AGBL1: variants seen among roughly 807,000 people sequenced by gnomAD.
AGBL1 encodes the protein AGBL carboxypeptidase 1, also known as cytosolic carboxypeptidase 4.
In AGBL1, 130 loss-of-function variants were observed where a neutral mutation model predicts 118.9. The observed-to-expected ratio is 1.09, with a 90% CI of 0.95 to 1.26. The LOEUF (loss-of-function observed/expected upper bound fraction) is 1.26. Among genes scored for constraint, AGBL1 ranks in the 50% most tolerant of loss-of-function variants. The pLI is 0.00. For synonymous variants in AGBL1, 555 were observed against 478.9 expected (o/e 1.16, Z -2.08); for missense variants, 1,584 against 1,298.1 (o/e 1.22, Z -3.38).
intron 22 of AGBL1, among the ~76,000 whole-genome samples, chr15:86,871,956 A>G (rs1161448973): frequency 6.6e-6 from 1 of 152,240 alleles, no homozygotes; most frequent in Non-Finnish European, 1.5e-5. Context: ...TTTGGTACAT[A>G]TGTTCACATC....
intron 21 of AGBL1, among the ~76,000 whole-genome samples, chr15:86,568,282 T>A (rs1416504936): frequency 6.6e-6 from 1 of 152,318 alleles, no homozygotes; most frequent in South Asian, 2.1e-4. Context: ...AAATTATTTG[T>A]TGGCTCTGTG....
intron 20 of AGBL1, among the ~76,000 whole-genome samples, chr15:86,550,094 G>A (rs560657203): frequency 6.6e-6 from 1 of 152,132 alleles, no homozygotes; most frequent in Admixed American, 6.6e-5. Context: ...GTAAACAGCT[G>A]TAGAGACCTA....
chr15:86,815,742 G>C (rs1567187153), intron 22 of AGBL1, among the ~76,000 whole-genome samples: 2 of 151,810 alleles, frequency 1.3e-5, no homozygotes, highest in African/African-American at 4.8e-5. Context: ...CCCAACCCCA[G>C]CTCTAAGTAA....
chr15:86,414,750 C>T (rs1429470755), intron 18 of AGBL1, among the ~76,000 whole-genome samples: 2 of 152,114 alleles, frequency 1.3e-5, no homozygotes, highest in South Asian at 2.1e-4. Flanking sequence ...GGAACATTAA[C>T]GATCACTCAA....
chr15:86,864,799 G>A (rs1278779717), intron 22 of AGBL1, among the ~76,000 whole-genome samples: 2 of 152,130 alleles, frequency 1.3e-5, no homozygotes, highest in Non-Finnish European at 2.9e-5. Flanking sequence ...CACAATCAAC[G>A]GTGCAGCAAG....
intron 5 of AGBL1, among the ~76,000 whole-genome samples, chr15:86,178,661 A>G (rs1026296670): frequency 3.9e-5 from 6 of 152,246 alleles, no homozygotes; most frequent in South Asian, 2.1e-4. Flanking sequence ...ACATTTAAAA[A>G]TAAATAATAA....
intron 18 of AGBL1, among the ~76,000 whole-genome samples, chr15:86,484,545 C>A (rs538118651): frequency 6.6e-6 from 1 of 152,214 alleles, no homozygotes; most frequent in South Asian, 2.1e-4. Context: ...CAAAGGTATT[C>A]TTTAAGGAAG....
chr15:86,427,008 C>T (rs752007376), intron 18 of AGBL1, among the ~76,000 whole-genome samples: 5 of 152,078 alleles, frequency 3.3e-5, no homozygotes, highest in Admixed American at 2.0e-4. Flanking sequence ...TCAGGTGATC[C>T]GCCTGCCTCG....
At chr15:86,754,806 T>A (rs1279815497) in intron 22 of AGBL1, among the ~76,000 whole-genome samples, 1 of 152,124 alleles carries the variant, frequency 6.6e-6, no homozygotes, top group Non-Finnish European at 1.5e-5. Context: ...GGCACTGACC[T>A]TTTAGCTTGC....
At chr15:86,687,333 C>T (rs2086077792) in intron 22 of AGBL1, among the ~76,000 whole-genome samples, 1 of 152,022 alleles carries the variant, frequency 6.6e-6, no homozygotes, top group Non-Finnish European at 1.5e-5. Context: ...GTTTCTGTAG[C>T]CAACAACCAA....
chr15:86,651,315 T>C (rs2142495134), intron 21 of AGBL1, among the ~76,000 whole-genome samples: 1 of 152,266 alleles, frequency 6.6e-6, no homozygotes, highest in Admixed American at 6.5e-5. Flanking sequence ...TCAGACAATC[T>C]AACTAGTTAT....
chr15:86,838,962 A>AAAAAG, intron 22 of AGBL1, among the ~76,000 whole-genome samples: 1 of 150,470 alleles, frequency 6.6e-6, no homozygotes. Context: ...AAAAAAAAAA[A>AAAAAG]AAAAGAAAGA....
At chr15:86,172,174 A>G (rs2077425740) in intron 5 of AGBL1, among the ~76,000 whole-genome samples, 1 of 152,186 alleles carries the variant, frequency 6.6e-6, no homozygotes, top group Non-Finnish European at 1.5e-5. Context: ...GTTCTCCAAA[A>G]ACCTATTGAA....
chr15:86,800,837 G>A (rs1478307787), intron 22 of AGBL1, among the ~76,000 whole-genome samples: 1 of 151,992 alleles, frequency 6.6e-6, no homozygotes, highest in Non-Finnish European at 1.5e-5. Context: ...ATGGAGACTG[G>A]CCCAAAAAAG....
At chr15:86,940,917 A>G (rs1202308400) in intron 23 of AGBL1, among the ~76,000 whole-genome samples, 2 of 152,208 alleles carry the variant, frequency 1.3e-5, no homozygotes, top group African/African-American at 4.8e-5. Context: ...TGCTCTGCCT[A>G]TAAAACCAAT....
At chr15:86,426,087 T>C (rs918473991) in intron 18 of AGBL1, among the ~76,000 whole-genome samples, 6 of 152,066 alleles carry the variant, frequency 3.9e-5, no homozygotes, top group African/African-American at 1.4e-4. Context: ...TAGTAGAACA[T>C]ATGTAGCAGA....
At chr15:86,472,646 C>A (rs966383023) in intron 18 of AGBL1, among the ~76,000 whole-genome samples, 6 of 152,196 alleles carry the variant, frequency 3.9e-5, no homozygotes, top group Non-Finnish European at 7.3e-5. Flanking sequence ...AGATTGGGCG[C>A]CACGGCTCAC....
intron 1 of AGBL1, among the ~76,000 whole-genome samples, chr15:86,116,922 T>C (rs1011134523): frequency 4.6e-5 from 7 of 151,980 alleles, no homozygotes; most frequent in African/African-American, 1.4e-4. Context: ...TTTCTTCATC[T>C]GGCCTCAGAA....
intron 22 of AGBL1, among the ~76,000 whole-genome samples, chr15:86,784,532 G>T (rs17699496): frequency 0.037 from 5,691 of 152,252 alleles, 167 homozygotes; most frequent in Non-Finnish European, 0.058. Context: ...TTGGGTTCAT[G>T]ATTCTGCTTT....
Sources: allele counts gnomAD v4.1 joint callset (sites outside exome capture counted in the v4.1 genomes callset), GRCh38; gene constraint gnomAD v4.1.1; transcripts MANE v1.5; gene names NCBI Gene and HGNC (gene_info 2026-07-23, HGNC 2026-07-21).